Variants in KRAS observed in about 807,000 individuals in gnomAD.
The protein encoded by KRAS is GTPase KRas.
In KRAS, 1 loss-of-function variant was observed where a neutral mutation model predicts 21.0. The observed-to-expected ratio is 0.05, with a 90% CI of 0.02 to 0.23. The LOEUF is 0.23. Ranked by LOEUF, KRAS falls within the 10% of genes least tolerant of loss-of-function variation. The pLI, the probability that KRAS is intolerant of heterozygous loss-of-function variation, is 1.00. For synonymous variants in KRAS, 67 were observed against 72.5 expected (o/e 0.92, Z 0.39); for missense variants, 107 against 221.8 (o/e 0.48, Z 3.29).
At chr12:25,230,994 A>AGCACAG (rs1951460189) in intron 2 of KRAS, among the ~76,000 whole-genome samples, 2 of 152,164 alleles carry the variant, frequency 1.3e-5, no homozygotes, top group Admixed American at 6.5e-5. Flanking sequence ...GTGGGAGCAA[A>AGCACAG]GCACAGAGTC....
At chr12:25,243,380 C>T (rs910818219) in intron 2 of KRAS, among the ~76,000 whole-genome samples, 4 of 152,186 alleles carry the variant, frequency 2.6e-5, no homozygotes, top group African/African-American at 9.7e-5. Context: ...GTAACCAATG[C>T]TTCCCAGAGT....
chr12:25,236,694 G>A (rs536821050), intron 2 of KRAS, among the ~76,000 whole-genome samples: 10 of 152,082 alleles, frequency 6.6e-5, no homozygotes, highest in South Asian at 2.1e-4. Flanking sequence ...GATGAGCTAC[G>A]AATTATTACA....
intron 4 of KRAS, among the ~76,000 whole-genome samples, chr12:25,222,367 T>C (rs1951337921): frequency 6.6e-6 from 1 of 152,014 alleles, no homozygotes; most frequent in South Asian, 2.1e-4. Flanking sequence ...CATGCAAATA[T>C]CAAATTAATT....
chr12:25,228,087 TGCTCCAAAAC>T (rs2141511871), intron 2 of KRAS, among the ~76,000 whole-genome samples: 1 of 151,670 alleles, frequency 6.6e-6, no homozygotes, highest in Admixed American at 6.6e-5. Context: ...AAATCCAAAA[TGCTCCAAAAC>T]CTGTAACTTT....
intron 4 of KRAS, among the ~76,000 whole-genome samples, chr12:25,220,352 C>T (rs965501085): frequency 4.2e-4 from 64 of 152,156 alleles, no homozygotes; most frequent in Admixed American, 4.1e-3. Context: ...GAATATGTAA[C>T]GCATTATATT....
rs1951170981 is a variant in KRAS, at chr12:25,208,744, A to C, written c.*1051T>G. 2 of 232,898 alleles carry C rather than the reference A, an allele frequency of 8.6e-6. No homozygotes were observed. The highest frequency in any genetic ancestry group is 2.2e-5 in the African/African-American group (1 of 45,314). 14.4% of individuals were successfully genotyped at this position (232,898 alleles called of 1,614,324 possible). A position where few individuals can be genotyped will look rare whatever the true frequency, so the allele number is the denominator to read the frequency against. On this transcript the variant is annotated 3_prime_UTR_variant, in exon 5 of 5. Coordinates refer to ENST00000311936, the MANE Select transcript of KRAS (RefSeq NM_004985.5). ...CAACACTGGATGACCGTGGGGACAC[A>C]GTCCATGCTGTGAAACTCTCTATGA...
intron 2 of KRAS, among the ~76,000 whole-genome samples, chr12:25,243,337 T>G (rs1267832817): frequency 1.3e-5 from 2 of 152,212 alleles, no homozygotes; most frequent in Non-Finnish European, 2.9e-5. Flanking sequence ...GTGACTAAAC[T>G]ACGTCAGGGA....
Position 25,208,411 on chromosome 12 carries a change from T to G in KRAS, c.*1384A>C, listed in dbSNP as rs1348753279. On this transcript the variant is annotated 3_prime_UTR_variant, in exon 5 of 5. Coordinates refer to ENST00000311936, the MANE Select transcript of KRAS (RefSeq NM_004985.5). ...ATTTTAAAGCATTATTAAATATGGA[T>G]CAGACTTGAAAAGTGTTTATGCAAT... 1 of 233,054 alleles carries G rather than the reference T, an allele frequency of 4.3e-6. No individual in the cohort carries two copies. 14.4% of individuals were successfully genotyped at this position (233,054 alleles called of 1,614,324 possible). A position where few individuals can be genotyped will look rare whatever the true frequency, so the allele number is the denominator to read the frequency against.
At chr12:25,223,047 C>G (rs1223700796) in intron 4 of KRAS, among the ~76,000 whole-genome samples, 2 of 152,172 alleles carry the variant, frequency 1.3e-5, no homozygotes, top group Non-Finnish European at 2.9e-5. Flanking sequence ...GAATTAGAAT[C>G]TGGATTTTAA....
chr12:25,206,723 T>C lies in KRAS; in HGVS notation c.*3072A>G, dbSNP rs1417936866. The C allele has an allele frequency of 1.6e-4, 32 of 196,850 alleles. No homozygotes were observed. Among genetic ancestry groups the C allele is most frequent in the Non-Finnish European group, 3.2e-5 (3 of 95,046 alleles). The allele number at this position is 196,850 out of a possible 1,614,324, so 12.2% of individuals were successfully genotyped here. A position where few individuals can be genotyped will look rare whatever the true frequency, so the allele number is the denominator to read the frequency against. On this transcript the variant is annotated 3_prime_UTR_variant, in exon 5 of 5. Transcript: ENST00000311936. ...GTTTCACATAGCAATTCAGAAATCA[T>C]AGTGATTTTTACATAGAAGTTTCCT...
At chr12:25,241,140 T>C (rs1212144442) in intron 2 of KRAS, among the ~76,000 whole-genome samples, 1 of 152,212 alleles carries the variant, frequency 6.6e-6, no homozygotes, top group Admixed American at 6.5e-5. Context: ...TACTGCCTCG[T>C]TTCCTTTCTT....
chr12:25,247,658 T>C (rs186160996), intron 1 of KRAS, among the ~76,000 whole-genome samples: 1 of 152,358 alleles, frequency 6.6e-6, no homozygotes, highest in African/African-American at 2.4e-5. Context: ...ACTAAGACTT[T>C]TCTGGTGTGC....
At chr12:25,220,090 T>TACTGAACCCTCC (rs1224740104) in intron 4 of KRAS, among the ~76,000 whole-genome samples, 3 of 152,232 alleles carry the variant, frequency 2.0e-5, no homozygotes, top group Admixed American at 6.5e-5. Flanking sequence ...TTATTCACCT[T>TACTGAACCCTCC]ACTGAACCCT....
chr12:25,237,589 G>A (rs1463862653), intron 2 of KRAS, among the ~76,000 whole-genome samples: 1 of 152,148 alleles, frequency 6.6e-6, no homozygotes, highest in Non-Finnish European at 1.5e-5. Flanking sequence ...AGACTTGGGA[G>A]TCTTCGATCC....
At chr12:25,243,871 C>T (rs1398325459) in intron 2 of KRAS, among the ~76,000 whole-genome samples, 1 of 152,188 alleles carries the variant, frequency 6.6e-6, no homozygotes, top group Admixed American at 6.5e-5. Context: ...AGTAAATATA[C>T]AGAGACTATT....
At chr12:25,214,442 C>T (rs2141487072) in intron 4 of KRAS, among the ~76,000 whole-genome samples, 1 of 149,840 alleles carries the variant, frequency 6.7e-6, no homozygotes, top group Non-Finnish European at 1.5e-5. Flanking sequence ...AGCTGGAGTG[C>T]AATGGTGCAT....
chr12:25,223,771 G>A, intron 4 of KRAS, among the ~76,000 whole-genome samples: 1 of 152,008 alleles, frequency 6.6e-6, no homozygotes, highest in East Asian at 1.9e-4. Context: ...TAGAACGCTT[G>A]TTTTTAAATG....
At chr12:25,237,260 G>C (rs532521498) in intron 2 of KRAS, among the ~76,000 whole-genome samples, 146 of 152,312 alleles carry the variant, frequency 9.6e-4, no homozygotes, top group African/African-American at 3.3e-3. Flanking sequence ...GGGAGTGGCT[G>C]CTAATGGATG....
At chr12:25,225,286 T>TTATTTATATATATATATATA in intron 4 of KRAS, 1 of 10,624 alleles carries the variant, frequency 9.4e-5, no homozygotes, top group South Asian at 2.3e-3. Flanking sequence ...GCCCTGTTCT[T>TTATTTATATATATATATATA]TATATATATA....
Sources: allele counts gnomAD v4.1 joint callset (sites outside exome capture counted in the v4.1 genomes callset), GRCh38; gene constraint gnomAD v4.1.1; transcripts MANE v1.5; gene names NCBI Gene and HGNC (gene_info 2026-07-23, HGNC 2026-07-21).